FRYL: variants seen among roughly 807,000 people sequenced by gnomAD.
FRYL encodes FRY like transcription coactivator.
A neutral mutation model predicts 351.2 loss-of-function variants in FRYL; 150 were observed. The observed-to-expected ratio is 0.43, with a 90% CI of 0.37 to 0.49. The LOEUF (loss-of-function observed/expected upper bound fraction) is 0.49, where lower values mean the gene tolerates loss of function less well. Ranked by LOEUF, FRYL falls within the 20% of genes least tolerant of loss-of-function variation. FRYL has a pLI of 0.00. For missense variants in FRYL, 3,036 were observed against 3,619.3 expected (o/e 0.84, Z 4.13); for synonymous variants, 1,153 against 1,257.1 (o/e 0.92, Z 1.75).
chr4:48,650,535 T>TA (rs1398051000), intron 3 of FRYL, among the ~76,000 whole-genome samples: 1 of 151,632 alleles, frequency 6.6e-6, no homozygotes, highest in Admixed American at 6.6e-5. Context: ...GAAAGAGGAG[T>TA]AAAAATCATT....
At chr4:48,680,917 GT>G in intron 3 of FRYL, 1 of 1,107,720 alleles carries the variant, frequency 9.0e-7, no homozygotes, top group Non-Finnish European at 1.1e-6. Context: ...AAAGAAATAC[GT>G]TTTTACTTTA....
chr4:48,745,932 G>A (rs1772624760), intron 1 of FRYL, among the ~76,000 whole-genome samples: 1 of 152,136 alleles, frequency 6.6e-6, no homozygotes, highest in South Asian at 2.1e-4. Context: ...GATGTCTAGT[G>A]CAATGTAGGT....
At chr4:48,500,567 GATT>G (rs1447796989) in intron 62 of FRYL, among the ~76,000 whole-genome samples, 1 of 152,044 alleles carries the variant, frequency 6.6e-6, no homozygotes, top group African/African-American at 2.4e-5. Flanking sequence ...GATTTTAAAA[GATT>G]ATTTACCCCA....
At position 48,676,923 on chromosome 4, in the gene FRYL, A is replaced by G. The variant is rs143614839; in HGVS notation, c.-81+7750T>C. On this transcript the variant is annotated intron_variant, in intron 3 of 63. Transcript: ENST00000358350. ...TATTTAATTGAATTACATAATCACA[A>G]TAAGTATAACTGGCATAAACAGATT... Among the ~76,000 whole-genome samples the G allele has an allele frequency of 2.0e-3, 306 of 152,386 alleles. 8 individuals are homozygous for G. The East Asian group carries it at 0.055, about 27-fold the overall frequency.
chr4:48,512,793 T>C (rs1722753306), intron 56 of FRYL, 105 bp from the exon 57 acceptor site: 2 of 733,692 alleles, frequency 2.7e-6, no homozygotes, highest in Non-Finnish European at 4.6e-6. Flanking sequence ...TTTTTATTCA[T>C]CATACACACT....
intron 4 of FRYL, among the ~76,000 whole-genome samples, chr4:48,633,320 G>A (rs1303785016): frequency 1.6e-4 from 25 of 152,056 alleles, no homozygotes; most frequent in Admixed American, 1.4e-3. Context: ...GCTGCTCTAC[G>A]TCATTGGCAA....
rs756815744 is a variant in FRYL at position 48,535,836 on chromosome 4, CAAAT to C, written c.6394-13_6394-10del. On this transcript the variant is annotated splice_polypyrimidine_tract_variant and intron_variant, in intron 47 of 63. Coordinates refer to ENST00000358350, the MANE Select transcript of FRYL (RefSeq NM_015030.2). ...TTTTCTTCTGCACAAACCTAGAAAA[CAAAT>C]AAAATTATTTCATTCACCTAAAATA... The C allele has an allele frequency of 2.8e-5, 41 of 1,489,432 alleles. No individual in the cohort carries two copies. Among genetic ancestry groups the C allele is most frequent in the Non-Finnish European group, 3.5e-5 (39 of 1,112,920 alleles). The allele number at this position is 1,489,432 out of a possible 1,614,324, so 92.3% of individuals were successfully genotyped here.
intron 1 of FRYL, among the ~76,000 whole-genome samples, chr4:48,736,036 A>G (rs1286131038): frequency 6.6e-6 from 1 of 151,896 alleles, no homozygotes; most frequent in Non-Finnish European, 1.5e-5. Flanking sequence ...CCACAATCGA[A>G]TTAAACTAAA....
intron 1 of FRYL, among the ~76,000 whole-genome samples, chr4:48,759,090 G>A (rs935234990): frequency 1.3e-5 from 2 of 152,172 alleles, no homozygotes; most frequent in African/African-American, 4.8e-5. Context: ...ATGGCGTTGG[G>A]GGAAGGGGGG....
intron 3 of FRYL, among the ~76,000 whole-genome samples, chr4:48,674,777 T>C (rs1000258135): frequency 7.1e-6 from 1 of 141,312 alleles, no homozygotes; most frequent in Non-Finnish European, 1.5e-5. Flanking sequence ...TATACAGCTA[T>C]ATATAGTAGA....
intron 3 of FRYL, among the ~76,000 whole-genome samples, chr4:48,648,792 G>A (rs1431810742): frequency 6.6e-6 from 1 of 152,154 alleles, no homozygotes; most frequent in Non-Finnish European, 1.5e-5. Context: ...ATGATTCCAT[G>A]TATATGAAAT....
At chr4:48,574,669 T>C (rs1394625445) in intron 25 of FRYL, 1 of 152,170 alleles carries the variant, frequency 6.6e-6, no homozygotes, top group East Asian at 1.9e-4. Context: ...AGAATTTGCT[T>C]CATTAATATA....
intron 43 of FRYL, 125 bp from the exon 44 acceptor site, chr4:48,544,122 T>A: frequency 1.3e-6 from 1 of 746,256 alleles, no homozygotes; most frequent in South Asian, 1.9e-5. Context: ...ATTTTATAAG[T>A]CAATGCTTTT....
rs571217283 is a variant in FRYL, at chr4:48,759,283, T to C, written c.-384+20795A>G. ...TTCTGAGGCTCAAGTGAAAAGAAAA[T>C]GGACACCTTTTTCTCACAAAAAGGA... On this transcript the variant is annotated intron_variant, in intron 1 of 63. Transcript: ENST00000358350. Among the ~76,000 whole-genome samples, 4 of 151,812 alleles carry C rather than the reference T, an allele frequency of 2.6e-5. No homozygotes were observed. The East Asian group carries it at 7.7e-4, about 29-fold the overall frequency.
At chr4:48,770,907 T>A (rs894826059) in intron 1 of FRYL, among the ~76,000 whole-genome samples, 33 of 152,194 alleles carry the variant, frequency 2.2e-4, no homozygotes, top group African/African-American at 8.0e-4. Context: ...AATTTTTACC[T>A]TGGGAAGAAC....
At chr4:48,639,446 T>C (rs1163100710) in intron 3 of FRYL, among the ~76,000 whole-genome samples, 1 of 151,206 alleles carries the variant, frequency 6.6e-6, no homozygotes, top group Non-Finnish European at 1.5e-5. Context: ...AAAGGAGACC[T>C]TGCCACAAAT....
At chr4:48,541,282 T>C (rs981970544) in intron 45 of FRYL, among the ~76,000 whole-genome samples, 2 of 152,240 alleles carry the variant, frequency 1.3e-5, no homozygotes, top group African/African-American at 4.8e-5. Context: ...TTCATTTGTC[T>C]TGTCCTCAAA....
In FRYL at chr4:48,596,597, C is replaced by T. The variant is rs187776532; in HGVS notation, c.1036-597G>A. Among the ~76,000 whole-genome samples, 15 of 152,222 alleles carry T rather than the reference C, an allele frequency of 9.9e-5. No individual in the cohort carries two copies. In the East Asian group the frequency reaches 2.9e-3, roughly 29 times the overall value. On this transcript the variant is annotated intron_variant, in intron 13 of 63. Coordinates refer to ENST00000358350, the MANE Select transcript of FRYL (RefSeq NM_015030.2). Reference sequence around the variant, plus strand: ...ATTTCCTCATCTCTAAAATGGAGAACATATGGTACCTACCTCAGAGGTAAA... The same window carrying T: ...ATTTCCTCATCTCTAAAATGGAGAATATATGGTACCTACCTCAGAGGTAAA...
At chr4:48,683,977 T>C (rs947719613) in intron 3 of FRYL, among the ~76,000 whole-genome samples, 2 of 152,150 alleles carry the variant, frequency 1.3e-5, no homozygotes, top group African/African-American at 4.8e-5. Context: ...AGAAACACAG[T>C]GGTACATAGA....
Sources: allele counts gnomAD v4.1 joint callset (sites outside exome capture counted in the v4.1 genomes callset), GRCh38; gene constraint gnomAD v4.1.1; transcripts MANE v1.5; gene names NCBI Gene and HGNC (gene_info 2026-07-23, HGNC 2026-07-21).